The following CADM2 variants were observed in gnomAD, a reference collection of about 807,000 sequenced individuals.
CADM2 encodes cell adhesion molecule 2, also known as immunoglobulin superfamily member 4D.
In CADM2, 12 loss-of-function variants were observed where a neutral mutation model predicts 49.8. The ratio of observed to expected loss-of-function variants is 0.24; its 90% CI spans 0.15 to 0.39. CADM2 has a LOEUF of 0.39. Among genes scored for constraint, CADM2 ranks in the 10% least tolerant of loss-of-function variants. CADM2 has a pLI of 1.00. For missense variants in CADM2, 378 were observed against 492.3 expected, an observed-to-expected ratio of 0.77 and a Z score of 2.20; for synonymous variants, 214 against 175.4, an observed-to-expected ratio of 1.22 and a Z score of -1.74.
At position 85,594,579 on chromosome 3, in the gene CADM2, T is replaced by C. The variant is rs917251518; in HGVS notation, c.62-131943T>C. ...ACTTTATGTGAGTGTGTTATCCAAG[T>C]AAAAAGAGAGAGAGAGAATACATTT... is the stretch of plus-strand genomic sequence containing the variant. On this transcript the variant is annotated intron_variant, in intron 1 of 9. Coordinates refer to ENST00000383699, the MANE Select transcript of CADM2 (RefSeq NM_001167675.2). 2.6e-5 allele frequency among the ~76,000 whole-genome samples: 4 copies of C among 151,782 alleles called. No individual in the cohort carries two copies. In the East Asian group the frequency reaches 7.8e-4, roughly 29 times the overall value.
intron 8 of CADM2, among the ~76,000 whole-genome samples, chr3:85,998,568 T>C (rs1329323166): frequency 1.3e-5 from 2 of 152,234 alleles, no homozygotes; most frequent in South Asian, 2.1e-4. Context: ...TATGCACTTA[T>C]TGATTGAATA....
At chr3:85,108,752 A>G (rs2038342717) in intron 1 of CADM2, among the ~76,000 whole-genome samples, 1 of 152,192 alleles carries the variant, frequency 6.6e-6, no homozygotes, top group African/African-American at 2.4e-5. Flanking sequence ...TGTAAACTTT[A>G]CAATAAATTG....
chr3:85,265,685 A>G (rs1178449930), intron 1 of CADM2, among the ~76,000 whole-genome samples: 1 of 152,030 alleles, frequency 6.6e-6, no homozygotes. Flanking sequence ...TGGGGGACAC[A>G]TTCAAACCGT....
At chr3:85,504,088 C>T (rs201023175) in intron 1 of CADM2, among the ~76,000 whole-genome samples, 2 of 152,114 alleles carry the variant, frequency 1.3e-5, no homozygotes, top group African/African-American at 4.8e-5. Flanking sequence ...CTGACCCTCG[C>T]GGTGAGTGTT....
At chr3:85,670,980 G>T (rs2065718643) in intron 1 of CADM2, among the ~76,000 whole-genome samples, 1 of 152,156 alleles carries the variant, frequency 6.6e-6, no homozygotes, top group Non-Finnish European at 1.5e-5. Flanking sequence ...GTCAAAGTGT[G>T]ATTAGTTTGT....
At chr3:85,604,073 C>T (rs183112584) in intron 1 of CADM2, among the ~76,000 whole-genome samples, 81 of 152,004 alleles carry the variant, frequency 5.3e-4, no homozygotes, top group African/African-American at 1.9e-3. Context: ...GTTTCTCTGG[C>T]TTCCCTTCTG....
intron 2 of CADM2, among the ~76,000 whole-genome samples, chr3:85,789,949 G>GT (rs2108026419): frequency 1.3e-5 from 2 of 152,234 alleles, no homozygotes; most frequent in South Asian, 4.1e-4. Context: ...ATCTGATAAT[G>GT]TTTTAAGACA....
chr3:85,481,932 A>G (rs2039230444), intron 1 of CADM2, among the ~76,000 whole-genome samples: 1 of 151,702 alleles, frequency 6.6e-6, no homozygotes, highest in Admixed American at 6.6e-5. Flanking sequence ...TGCCAGAAAG[A>G]AATGAAAATA....
At chr3:85,407,262 G>T (rs1177105395) in intron 1 of CADM2, among the ~76,000 whole-genome samples, 1 of 152,024 alleles carries the variant, frequency 6.6e-6, no homozygotes, top group Admixed American at 6.6e-5. Flanking sequence ...AGGATTTCTT[G>T]GTTTAAGAAT....
intron 5 of CADM2, among the ~76,000 whole-genome samples, chr3:85,901,493 C>G (rs1716113583): frequency 6.6e-6 from 1 of 152,128 alleles, no homozygotes; most frequent in Admixed American, 6.5e-5. Context: ...TATAAAAAGT[C>G]TTCCAAGGTA....
intron 1 of CADM2, among the ~76,000 whole-genome samples, chr3:85,522,176 C>T (rs908927322): frequency 6.6e-6 from 1 of 152,116 alleles, no homozygotes; most frequent in Non-Finnish European, 1.5e-5. Flanking sequence ...CAGTATACAT[C>T]ACGATATTAT....
At chr3:85,816,898 GT>G (rs532947097) in intron 3 of CADM2, among the ~76,000 whole-genome samples, 76 of 152,178 alleles carry the variant, frequency 5.0e-4, no homozygotes, top group Admixed American at 3.6e-3. Flanking sequence ...AATACTAAAT[GT>G]TTTTTCACCC....
At chr3:85,547,688 G>C (rs1258265518) in intron 1 of CADM2, among the ~76,000 whole-genome samples, 1 of 152,126 alleles carries the variant, frequency 6.6e-6, no homozygotes, top group Non-Finnish European at 1.5e-5. Flanking sequence ...CCAACCCTAT[G>C]TAAAAACAAC....
intron 8 of CADM2, among the ~76,000 whole-genome samples, chr3:86,042,452 T>G (rs1480708386): frequency 6.6e-6 from 1 of 152,140 alleles, no homozygotes; most frequent in Admixed American, 6.5e-5. Flanking sequence ...TATAAAAGCC[T>G]CCATGCATAT....
At chr3:85,997,785 C>T (rs919918354) in intron 8 of CADM2, among the ~76,000 whole-genome samples, 8 of 152,262 alleles carry the variant, frequency 5.3e-5, no homozygotes, top group Middle Eastern at 3.4e-3. Flanking sequence ...TCTAGAAATG[C>T]AAGCTGACTT....
chr3:85,446,472 T>C (rs982187275), intron 1 of CADM2, among the ~76,000 whole-genome samples: 2 of 152,182 alleles, frequency 1.3e-5, no homozygotes, highest in Non-Finnish European at 2.9e-5. Flanking sequence ...CCACTGACTC[T>C]TGCAGAAATT....
chr3:85,932,656 G>T (rs1720745385), intron 6 of CADM2, among the ~76,000 whole-genome samples: 2 of 151,988 alleles, frequency 1.3e-5, no homozygotes, highest in African/African-American at 4.8e-5. Context: ...TGAAACATAG[G>T]TATTTGTCAA....
At chr3:85,098,353 A>T (rs1307794449) in intron 1 of CADM2, among the ~76,000 whole-genome samples, 1 of 152,136 alleles carries the variant, frequency 6.6e-6, no homozygotes, top group Non-Finnish European at 1.5e-5. Flanking sequence ...AGGGAAAAAA[A>T]AATATGACCA....
At chr3:85,304,747 C>T (rs80144803) in intron 1 of CADM2, among the ~76,000 whole-genome samples, 7,268 of 151,790 alleles carry the variant, frequency 0.048, 485 homozygotes, top group African/African-American at 0.15. Context: ...ACTCTGATTT[C>T]CTGCAGAATT....
Sources: gnomAD v4.1 joint callset for allele counts (sites outside exome capture counted in the v4.1 genomes callset) on GRCh38, gnomAD v4.1.1 for gene constraint, MANE v1.5 for transcripts, NCBI Gene and HGNC (gene_info 2026-07-23, HGNC 2026-07-21) for gene names.